CNKSR1: variants seen among roughly 807,000 people sequenced by gnomAD.
CNKSR1 encodes CNK homolog protein 1.
Under a neutral mutation model 95.6 loss-of-function variants are expected in CNKSR1, and 88 were observed. The observed-to-expected ratio is 0.92, with a 90% CI of 0.78 to 1.10. The LOEUF is 1.10. Among genes scored for constraint, CNKSR1 ranks in the 50% least tolerant of loss-of-function variants. The probability of loss-of-function intolerance (pLI) is 0.00; values close to 1 mark genes in which losing one functional copy is unlikely to be tolerated. For missense variants in CNKSR1, 836 were observed against 912.0 expected (o/e 0.92, Z 1.07); for synonymous variants, 355 against 369.7 (o/e 0.96, Z 0.46).
rs1320544095 is a variant in CNKSR1 at position 26,188,238 on chromosome 1, G to A, written c.1459G>A (p.Val487Met). The A allele has an allele frequency of 1.9e-6, 3 of 1,614,092 alleles. No homozygotes were observed. The highest frequency in any genetic ancestry group is 2.5e-6 in the Non-Finnish European group (3 of 1,179,998). ...AGACCTGCTTGCTCTCCATAGGTGG[G>A]TGCGTCATCTCATTACCTGCATCTC... ...ADTLTDLSMWVRHLITCISKY... is the reference protein window; with the variant it reads ...ADTLTDLSMWMRHLITCISKY... The change falls in exon 17 of 21, where the codon GTG becomes ATG. Residue 487 changes from valine (V) to methionine (M), a missense_variant. Transcript: ENST00000361530.
chr1:26,188,472 C>T lies in CNKSR1; in HGVS notation c.1559C>T (p.Pro520Leu), dbSNP rs763421086. The T allele has an allele frequency of 6.9e-6, 11 of 1,605,054 alleles. No homozygotes were observed. Among genetic ancestry groups the T allele is most frequent in the South Asian group, 3.3e-5 (3 of 89,580 alleles). ...DCYSETEAED[P>L]DDEAGSHSAS... ...TACAGTGAGACCGAAGCAGAGGACC[C>T]GGACGATGAGGCTGGGTCCCACTCA... Residue 520 changes from proline (P) to leucine (L), a missense_variant, in exon 18 of 21, where the codon CCG (proline) becomes CTG (leucine). Physicochemically the swap from Pro to Leu is moderately conservative, Grantham distance 98 (BLOSUM62 -3). Transcript: ENST00000361530.
rs1305668419 is a variant in CNKSR1, at chr1:26,189,751, T to G, written c.*203T>G. On this transcript the variant is annotated 3_prime_UTR_variant, in exon 21 of 21. Transcript: ENST00000361530. ...CCAAAGAAGAAACTCTCCCCCCAAA[T>G]CCTCCAACCTCTGGGGCCACAGCCC... The G allele has an allele frequency of 1.4e-6, 1 of 699,546 alleles. No homozygotes were observed. Among genetic ancestry groups the G allele is most frequent in the East Asian group, 2.7e-5 (1 of 37,234 alleles). The allele number at this position is 699,546 out of a possible 1,614,324, so 43.3% of individuals were successfully genotyped here. A position where few individuals can be genotyped will look rare whatever the true frequency, so the allele number is the denominator to read the frequency against.
chr1:26,187,376 C>T, intron 15 of CNKSR1, 35 bp from the exon 16 acceptor site: 1 of 1,613,018 alleles, frequency 6.2e-7, no homozygotes, highest in Non-Finnish European at 8.5e-7. Context: ...GGTGGGCACG[C>T]CCAGGCTGAG....
In CNKSR1 at chr1:26,188,278, C is replaced by T. The variant is rs2088791705; in HGVS notation, c.1499C>T (p.Pro500Leu). The change falls in exon 17 of 21, where the codon CCA (proline) becomes CTA (leucine). Residue 500 changes from proline (P) to leucine (L), a missense_variant. Pro to Leu is a moderately conservative substitution (Grantham distance 98). Transcript: ENST00000361530. Reference sequence around the variant, plus strand: ...ACCTGCATCTCCAAGTACCAGTCTCCAGGCCGGGCCCCCCCACCCCGAGAG... The same window carrying T: ...ACCTGCATCTCCAAGTACCAGTCTCTAGGCCGGGCCCCCCCACCCCGAGAG... ...LITCISKYQS[P>L]GRAPPPREED... The T allele has an allele frequency of 6.2e-7, 1 of 1,614,154 alleles. No homozygotes were observed. Among genetic ancestry groups the T allele is most frequent in the Non-Finnish European group, 8.5e-7 (1 of 1,180,038 alleles).
At chr1:26,185,282 A>G in intron 14 of CNKSR1, 96 bp downstream of exon 14, 2 of 1,305,356 alleles carry the variant, frequency 1.5e-6, no homozygotes, top group South Asian at 1.3e-5. Context: ...TCCTGGTCCA[A>G]GGCTTTGATG....
At position 26,184,001 on chromosome 1, in the gene CNKSR1, C is replaced by T. The variant is rs777149703; in HGVS notation, c.856-70C>T. 1.1e-5 allele frequency: 11 copies of T among 1,044,754 alleles called. No individual in the cohort carries two copies. In the South Asian group the frequency reaches 1.3e-4, roughly 12 times the overall value. 64.7% of individuals were successfully genotyped at this position (1,044,754 alleles called of 1,614,324 possible). A position where few individuals can be genotyped will look rare whatever the true frequency, so the allele number is the denominator to read the frequency against. On this transcript the variant is annotated intron_variant, in intron 9 of 20. Coordinates refer to ENST00000361530, the MANE Select transcript of CNKSR1 (RefSeq NM_006314.3). ...ACAGGTACCTGCTCCTGCTGCTCCC[C>T]TACCCCTGTTGCCCCCCAACCTGCT... is the stretch of plus-strand genomic sequence containing the variant.
chr1:26,184,115 A>T lies in CNKSR1; in HGVS notation c.900A>T (p.Ser300=). 1 of 1,610,002 alleles carries T rather than the reference A, an allele frequency of 6.2e-7. No individual in the cohort carries two copies. Reference sequence around the variant, plus strand: ...ACTCCCCGCACCAGAGGAGCCCATCACTGTCTCTGGCCCCACTGTCTCCCA... The same window carrying T: ...ACTCCCCGCACCAGAGGAGCCCATCTCTGTCTCTGGCCCCACTGTCTCCCA... ...VLDSPHQRSP[S]LSLAPLSPRA... is the part of the protein sequence containing the mutation. Residue 300 remains serine (S), a synonymous_variant, in exon 10 of 21, where the codon TCA becomes TCT. Coordinates refer to ENST00000361530, the MANE Select transcript of CNKSR1 (RefSeq NM_006314.3).
At chr1:26,181,712 T>C in intron 3 of CNKSR1, 145 bp from the exon 4 acceptor site, 1 of 736,908 alleles carries the variant, frequency 1.4e-6, no homozygotes, top group Non-Finnish European at 2.4e-6. Flanking sequence ...TCTCTTTAGA[T>C]GTCTCAATCA....
chr1:26,184,362 G>A, intron 11 of CNKSR1, 39 bp from the exon 12 acceptor site: 1 of 1,606,516 alleles, frequency 6.2e-7, no homozygotes, highest in Non-Finnish European at 8.5e-7. Context: ...CTGGGACTGG[G>A]CTCATAGACT....
At chr1:26,178,805 T>C (rs2088601160) in intron 1 of CNKSR1, among the ~76,000 whole-genome samples, 1 of 152,172 alleles carries the variant, frequency 6.6e-6, no homozygotes, top group South Asian at 2.1e-4. Flanking sequence ...CTGGGTCTAT[T>C]GGGAGGGCAC....
At chr1:26,186,844 C>T (rs1023838903) in intron 14 of CNKSR1, 4 of 342,048 alleles carry the variant, frequency 1.2e-5, no homozygotes, top group African/African-American at 4.2e-5. Flanking sequence ...CTCAAATGGT[C>T]CTCCTGCCTT....
chr1:26,180,504 G>A lies in CNKSR1; in HGVS notation c.104G>A (p.Gly35Asp), dbSNP rs1472823585. ...DYPFEDWQLP[G>D]KNLLQLCPQS... ...CCCTTTGAGGACTGGCAGCTGCCTGGCAAGAACCTGCTCCAGCTCTGCCCC... is the reference window on the plus strand; with the variant it reads ...CCCTTTGAGGACTGGCAGCTGCCTGACAAGAACCTGCTCCAGCTCTGCCCC... Residue 35 changes from glycine (G) to aspartate (D), a missense_variant, in exon 2 of 21, where the codon GGC becomes GAC. Physicochemically the swap from Gly to Asp is moderately conservative, Grantham distance 94. Transcript: ENST00000361530. The A allele has an allele frequency of 1.9e-6, 3 of 1,614,198 alleles. No individual in the cohort carries two copies. Among genetic ancestry groups the A allele is most frequent in the Non-Finnish European group, 2.5e-6 (3 of 1,180,044 alleles).
At chr1:26,179,927 G>A (rs1304805105) in intron 1 of CNKSR1, among the ~76,000 whole-genome samples, 1 of 152,076 alleles carries the variant, frequency 6.6e-6, no homozygotes, top group Non-Finnish European at 1.5e-5. Context: ...CTTGAGCCCA[G>A]GAGTTCGAGA....
intron 4 of CNKSR1, 101 bp from the exon 5 acceptor site, chr1:26,182,260 C>A: frequency 1.7e-6 from 2 of 1,205,624 alleles, no homozygotes; most frequent in South Asian, 1.3e-5. Flanking sequence ...GTAGGGAAGG[C>A]AGGGAGGGAC....
intron 1 of CNKSR1, among the ~76,000 whole-genome samples, chr1:26,178,001 T>C (rs2124505309): frequency 6.6e-6 from 1 of 152,050 alleles, no homozygotes; most frequent in South Asian, 2.1e-4. Flanking sequence ...GCGGGCTCTA[T>C]CAGTCGGTCA....
chr1:26,178,305 G>T (rs1180712364), intron 1 of CNKSR1, among the ~76,000 whole-genome samples: 3 of 152,208 alleles, frequency 2.0e-5, no homozygotes, highest in Admixed American at 2.0e-4. Flanking sequence ...GCCAGGAAAT[G>T]ATTTGCTCAG....
At chr1:26,188,978 G>A in intron 20 of CNKSR1, 25 bp downstream of exon 20, 1 of 1,611,780 alleles carries the variant, frequency 6.2e-7, no homozygotes, top group Non-Finnish European at 8.5e-7. Context: ...TCTGGGCACA[G>A]CAAGGGACTA....
At chr1:26,186,506 G>A (rs978431513) in intron 14 of CNKSR1, among the ~76,000 whole-genome samples, 16 of 151,712 alleles carry the variant, frequency 1.1e-4, no homozygotes, top group Non-Finnish European at 1.8e-4. Context: ...ACGCAGTCTC[G>A]CTCTGTTGCC....
intron 6 of CNKSR1, 74 bp from the exon 7 acceptor site, chr1:26,183,123 G>A: frequency 7.1e-7 from 1 of 1,415,424 alleles, no homozygotes; most frequent in Non-Finnish European, 1.0e-6. Flanking sequence ...TAGAGTCCTG[G>A]TGTCTGGCGG....
Sources: gnomAD v4.1 joint callset for allele counts (sites outside exome capture counted in the v4.1 genomes callset) on GRCh38, gnomAD v4.1.1 for gene constraint, MANE v1.5 for transcripts, NCBI Gene and HGNC (gene_info 2026-07-23, HGNC 2026-07-21) for gene names.